PLEKHA5: variants seen among roughly 807,000 people sequenced by gnomAD.
PLEKHA5 encodes pleckstrin homology domain containing A5.
A neutral mutation model predicts 181.9 loss-of-function variants in PLEKHA5; 55 were observed. That is an observed-to-expected ratio of 0.30 (90% CI 0.24 to 0.38). The LOEUF is 0.38. Ranked by LOEUF, PLEKHA5 falls within the 10% of genes least tolerant of loss-of-function variation. PLEKHA5 has a pLI of 1.00. For missense variants in PLEKHA5, 1,432 were observed against 1,549.5 expected (o/e 0.92, Z 1.27); for synonymous variants, 535 against 529.4 (o/e 1.01, Z -0.15).
At chr12:19,321,796 G>A (rs1592484144) in intron 18 of PLEKHA5, 1 of 152,270 alleles carries the variant, frequency 6.6e-6, no homozygotes, top group Admixed American at 6.5e-5. Flanking sequence ...TCTTGCTTAT[G>A]TGTCATTATG....
chr12:19,175,621 T>C (rs752666749), intron 3 of PLEKHA5, among the ~76,000 whole-genome samples: 3 of 152,238 alleles, frequency 2.0e-5, no homozygotes, highest in Non-Finnish European at 4.4e-5. Flanking sequence ...GAAGAGATTT[T>C]CTTTTACACT....
At chr12:19,197,152 G>A (rs919122900) in intron 3 of PLEKHA5, among the ~76,000 whole-genome samples, 1 of 152,050 alleles carries the variant, frequency 6.6e-6, no homozygotes, top group Non-Finnish European at 1.5e-5. Flanking sequence ...GCAGCGTTCA[G>A]CATCGTTGAG....
chr12:19,318,106 T>G (rs2089592858), intron 16 of PLEKHA5, among the ~76,000 whole-genome samples: 1 of 151,276 alleles, frequency 6.6e-6, no homozygotes, highest in African/African-American at 2.4e-5. Flanking sequence ...ACCTTTTCAA[T>G]TCTATGAAGG....
At chr12:19,340,677 AT>A (rs1231571321) in intron 21 of PLEKHA5, among the ~76,000 whole-genome samples, 3 of 144,036 alleles carry the variant, frequency 2.1e-5, no homozygotes, top group African/African-American at 7.5e-5. Flanking sequence ...TCTCTGAAAC[AT>A]GTGCTGTGTC....
At chr12:19,163,901 A>C (rs900597771) in intron 3 of PLEKHA5, among the ~76,000 whole-genome samples, 1 of 151,912 alleles carries the variant, frequency 6.6e-6, no homozygotes, top group Non-Finnish European at 1.5e-5. Context: ...TCTTTATCCA[A>C]ATTTTTCCTT....
chr12:19,332,742 C>T (rs1451736728), intron 20 of PLEKHA5, among the ~76,000 whole-genome samples: 1 of 152,200 alleles, frequency 6.6e-6, no homozygotes, highest in African/African-American at 2.4e-5. Context: ...CAGCTCACTG[C>T]AACCTGCACC....
At chr12:19,355,334 T>C (rs555131479) in intron 26 of PLEKHA5, among the ~76,000 whole-genome samples, 9 of 150,522 alleles carry the variant, frequency 6.0e-5, no homozygotes, top group Admixed American at 4.0e-4. Context: ...ATATAAGATA[T>C]ATGGCTAGTC....
At position 19,288,020 on chromosome 12, in the gene PLEKHA5, G is replaced by C. The variant is rs2077578615; in HGVS notation, c.1863+464G>C. On this transcript the variant is annotated intron_variant, in intron 13 of 31. Coordinates refer to ENST00000429027, the MANE Select transcript of PLEKHA5 (RefSeq NM_001256470.2). ...TTGAACCCAGGAGGTGGAGTTTGCA[G>C]TGAGCCGAGATCCTGCCATTGCACT... The C allele has an allele frequency of 3.8e-5, 9 of 235,280 alleles. No homozygotes were observed. In the South Asian group the frequency reaches 5.3e-4, roughly 14 times the overall value. 14.6% of individuals were successfully genotyped at this position (235,280 alleles called of 1,614,324 possible).
chr12:19,242,286 T>C (rs984207336), intron 3 of PLEKHA5, among the ~76,000 whole-genome samples: 4 of 151,992 alleles, frequency 2.6e-5, no homozygotes, highest in African/African-American at 9.7e-5. Context: ...TCATCCAGGC[T>C]GGAGTGCAGT....
chr12:19,374,746 G>A (rs2095671529), intron 31 of PLEKHA5, among the ~76,000 whole-genome samples: 1 of 151,782 alleles, frequency 6.6e-6, no homozygotes, highest in African/African-American at 2.4e-5. Context: ...CCTGAGTTCA[G>A]GAGTTTGAGA....
intron 16 of PLEKHA5, 75 bp from the exon 17 acceptor site, chr12:19,319,946 C>G (rs1353597745): frequency 1.1e-6 from 1 of 949,522 alleles, no homozygotes. Context: ...ATAACATAGG[C>G]TTTCAGTTTT....
chr12:19,168,211 A>G (rs1256133409), intron 3 of PLEKHA5, among the ~76,000 whole-genome samples: 1 of 152,170 alleles, frequency 6.6e-6, no homozygotes, highest in Non-Finnish European at 1.5e-5. Context: ...GGAAGGAATC[A>G]CCTTCTGGCT....
intron 20 of PLEKHA5, among the ~76,000 whole-genome samples, chr12:19,330,592 A>G (rs2092743357): frequency 9.5e-6 from 1 of 105,412 alleles, no homozygotes; most frequent in African/African-American, 2.5e-5. Flanking sequence ...TATTTTTTAA[A>G]AAACTCCTTA....
In PLEKHA5 at chr12:19,130,313, C is replaced by T. The variant is rs975077910; in HGVS notation, c.169+183C>T. 2.6e-5 allele frequency among the ~76,000 whole-genome samples: 4 copies of T among 151,992 alleles called. No individual in the cohort carries two copies. Among genetic ancestry groups the T allele is most frequent in the African/African-American group, 9.7e-5 (4 of 41,412 alleles). ...GGACTCCGCCGCCGGGAGTTCTCTC[C>T]AGTCTCGGGGCGCCTCTTTCTCCTC... On this transcript the variant is annotated intron_variant, in intron 2 of 31. Coordinates refer to ENST00000429027, the MANE Select transcript of PLEKHA5 (RefSeq NM_001256470.2). This position sits in a 1 kb window ranked among gnomAD's most constrained non-coding sequence, Gnocchi z 4.5.
chr12:19,144,574 A>G (rs1410330721), intron 3 of PLEKHA5, among the ~76,000 whole-genome samples: 1 of 152,222 alleles, frequency 6.6e-6, no homozygotes, highest in Non-Finnish European at 1.5e-5. Context: ...AGGAGTGCAA[A>G]TACAAGGAGT....
rs1565843163 is a variant in PLEKHA5, at chr12:19,129,775, C to T, written c.-25C>T. 6 of 1,446,050 alleles carry T rather than the reference C, an allele frequency of 4.1e-6. No individual in the cohort carries two copies. The highest frequency in any genetic ancestry group is 5.7e-6 in the Non-Finnish European group (6 of 1,050,096). The allele number at this position is 1,446,050 out of a possible 1,614,324, so 89.6% of individuals were successfully genotyped here. On this transcript the variant is annotated 5_prime_UTR_variant, in exon 1 of 32. Transcript: ENST00000429027. ...CAGCCGCGGCGGCAGCAGGAGAAGG[C>T]GGCGGCGGCGGCTAGGGATCAGACA...
intron 3 of PLEKHA5, among the ~76,000 whole-genome samples, chr12:19,229,944 T>C (rs1380115670): frequency 2.0e-5 from 3 of 152,180 alleles, no homozygotes; most frequent in Non-Finnish European, 4.4e-5. Context: ...GGGTGCTGAT[T>C]GGTGTGTTTA....
chr12:19,285,673 G>T (rs1274226711), intron 12 of PLEKHA5, among the ~76,000 whole-genome samples: 1 of 152,122 alleles, frequency 6.6e-6, no homozygotes, highest in African/African-American at 2.4e-5. Context: ...CTATGCTAGT[G>T]GTCATTGTAG....
At chr12:19,359,578 A>T (rs749494200) in intron 28 of PLEKHA5, 32 bp downstream of exon 28, 2 of 1,592,464 alleles carry the variant, frequency 1.3e-6, no homozygotes, top group African/African-American at 1.3e-5. Flanking sequence ...AGGTATTCCA[A>T]AGGAATAGAT....
Sources: allele counts gnomAD v4.1 joint callset (sites outside exome capture counted in the v4.1 genomes callset), GRCh38; gene constraint gnomAD v4.1.1; non-coding constraint Gnocchi (gnomAD v3.1); transcripts MANE v1.5; gene names NCBI Gene and HGNC (gene_info 2026-07-23, HGNC 2026-07-21).